Variants in ARHGAP15 observed in about 807,000 individuals in gnomAD.
ARHGAP15 encodes Rho GTPase activating protein 15, also known as rho GTPase-activating protein 15.
ARHGAP15 carries 51 observed loss-of-function variants against 63.7 expected under a neutral mutation model. That is an observed-to-expected ratio of 0.80 (90% CI 0.64 to 1.01). ARHGAP15 has a LOEUF of 1.01. Ranked by LOEUF, ARHGAP15 falls within the 50% of genes least tolerant of loss-of-function variation. The pLI is 0.00. For missense variants in ARHGAP15, 560 were observed against 564.6 expected, an observed-to-expected ratio of 0.99 and a Z score of 0.08; for synonymous variants, 191 against 193.8, an observed-to-expected ratio of 0.99 and a Z score of 0.12.
At chr2:143,199,775 C>A (rs980895940) in intron 2 of ARHGAP15, among the ~76,000 whole-genome samples, 1 of 152,006 alleles carries the variant, frequency 6.6e-6, no homozygotes, top group Non-Finnish European at 1.5e-5. Context: ...ACCATATAGC[C>A]GTTTACACCA....
At chr2:143,500,582 A>G (rs186939893) in intron 9 of ARHGAP15, among the ~76,000 whole-genome samples, 21 of 152,316 alleles carry the variant, frequency 1.4e-4, no homozygotes, top group African/African-American at 5.1e-4. Context: ...AAAACAAAAT[A>G]AGCCACAAAT....
At chr2:143,544,136 A>G (rs1192723339) in intron 10 of ARHGAP15, among the ~76,000 whole-genome samples, 1 of 152,172 alleles carries the variant, frequency 6.6e-6, no homozygotes, top group East Asian at 1.9e-4. Flanking sequence ...TCTATTCCAG[A>G]TACCTTATAT....
intron 6 of ARHGAP15, among the ~76,000 whole-genome samples, chr2:143,349,251 G>T (rs865785700): frequency 6.6e-6 from 1 of 152,118 alleles, no homozygotes; most frequent in Admixed American, 6.5e-5. Flanking sequence ...TGAGTGAGAG[G>T]ATAAAAGGGA....
chr2:143,170,919 A>G (rs1690751216), intron 2 of ARHGAP15, among the ~76,000 whole-genome samples: 1 of 152,162 alleles, frequency 6.6e-6, no homozygotes, highest in Admixed American at 6.6e-5. Flanking sequence ...CTCTAACCTC[A>G]ACAGAACCTT....
intron 6 of ARHGAP15, among the ~76,000 whole-genome samples, chr2:143,406,878 T>C (rs987375239): frequency 6.6e-6 from 1 of 151,848 alleles, no homozygotes; most frequent in Non-Finnish European, 1.5e-5. Flanking sequence ...TATTAGTTTC[T>C]GAGAGTCCTC....
intron 6 of ARHGAP15, among the ~76,000 whole-genome samples, chr2:143,340,357 A>T (rs1414243791): frequency 6.6e-6 from 1 of 152,096 alleles, no homozygotes; most frequent in Non-Finnish European, 1.5e-5. Context: ...TAGTGTTGAG[A>T]AATTTTGACG....
rs537867347 is a variant in ARHGAP15, at chr2:143,516,961, T to G, written c.827-2305T>G. Among the ~76,000 whole-genome samples, 20 of 148,276 alleles carry G rather than the reference T, an allele frequency of 1.3e-4. No individual in the cohort carries two copies. The East Asian group carries it at 3.7e-3, about 28-fold the overall frequency. On this transcript the variant is annotated intron_variant, in intron 9 of 13. Coordinates refer to ENST00000295095, the MANE Select transcript of ARHGAP15 (RefSeq NM_018460.4). The stretch of plus-strand genomic sequence containing the variant: ...TTTTTGTTTGTTGTTGTTGTTGGTG[T>G]TGTTTTGAGATGGAGTCTCACTCTG...
intron 2 of ARHGAP15, among the ~76,000 whole-genome samples, chr2:143,197,962 C>T (rs1484178178): frequency 7.4e-6 from 1 of 135,840 alleles, no homozygotes; most frequent in Non-Finnish European, 1.7e-5. Context: ...AATGTAGTGA[C>T]TGCCTACACA....
At chr2:143,700,976 A>T (rs2105416863) in intron 12 of ARHGAP15, among the ~76,000 whole-genome samples, 1 of 152,212 alleles carries the variant, frequency 6.6e-6, no homozygotes, top group Admixed American at 6.5e-5. Context: ...ATAGGCTATG[A>T]TGTTGCAACT....
intron 6 of ARHGAP15, among the ~76,000 whole-genome samples, chr2:143,298,103 T>C (rs1682726423): frequency 6.6e-6 from 1 of 151,980 alleles, no homozygotes; most frequent in Admixed American, 6.6e-5. Flanking sequence ...CCCTGGCATC[T>C]ATTTATCTAT....
intron 12 of ARHGAP15, among the ~76,000 whole-genome samples, chr2:143,678,313 C>G (rs562657344): frequency 3.3e-5 from 5 of 152,336 alleles, no homozygotes; most frequent in African/African-American, 7.2e-5. Context: ...CCAAGCTTAA[C>G]TCCTATTTGG....
intron 10 of ARHGAP15, among the ~76,000 whole-genome samples, chr2:143,552,124 G>A (rs1011639116): frequency 2.0e-5 from 3 of 152,186 alleles, no homozygotes; most frequent in African/African-American, 7.2e-5. Context: ...TGGCCTCCTA[G>A]GAATTAGGAA....
chr2:143,478,239 G>C (rs1691914327), intron 8 of ARHGAP15, among the ~76,000 whole-genome samples: 1 of 152,064 alleles, frequency 6.6e-6, no homozygotes, highest in Non-Finnish European at 1.5e-5. Flanking sequence ...GTTCTTATTG[G>C]CAATCCAGAG....
chr2:143,430,867 A>G (rs1263230007), intron 6 of ARHGAP15, among the ~76,000 whole-genome samples: 3 of 151,934 alleles, frequency 2.0e-5, no homozygotes, highest in Non-Finnish European at 4.4e-5. Context: ...CTCTTTGGAT[A>G]TTTGGCATAT....
At chr2:143,255,689 G>A (rs1031476680) in intron 6 of ARHGAP15, among the ~76,000 whole-genome samples, 4 of 152,058 alleles carry the variant, frequency 2.6e-5, no homozygotes, top group African/African-American at 9.7e-5. Flanking sequence ...TGTTACAAGT[G>A]GTGGTTTAAA....
Position 143,142,879 on chromosome 2 carries a change from G to A in ARHGAP15, c.-14-12598G>A, listed in dbSNP as rs1182712881. 3.9e-5 allele frequency among the ~76,000 whole-genome samples: 6 copies of A among 151,988 alleles called. No individual in the cohort carries two copies. In the South Asian group the frequency reaches 1.0e-3, roughly 26 times the overall value. ...GACGTAGTTATAACAAAGGATATAA[G>A]TAAATAAAACAAGACAGAGAAGAAA... On this transcript the variant is annotated intron_variant, in intron 1 of 13. Transcript: ENST00000295095.
chr2:143,479,759 G>GAA (rs142327011), intron 8 of ARHGAP15, among the ~76,000 whole-genome samples: 8 of 147,690 alleles, frequency 5.4e-5, no homozygotes, highest in Non-Finnish European at 1.2e-4. Flanking sequence ...TTGTTTTAAG[G>GAA]AAAAAAAAAA....
At chr2:143,271,001 C>T (rs555053892) in intron 6 of ARHGAP15, among the ~76,000 whole-genome samples, 19 of 152,292 alleles carry the variant, frequency 1.2e-4, no homozygotes, top group Admixed American at 1.2e-3. Context: ...CAAATTCACA[C>T]TTTCTGTCCA....
At chr2:143,328,881 G>A (rs563103980) in intron 6 of ARHGAP15, among the ~76,000 whole-genome samples, 2 of 152,154 alleles carry the variant, frequency 1.3e-5, no homozygotes, top group Admixed American at 1.3e-4. Context: ...TGAGGTAAAG[G>A]ATACTGTGTT....
Sources: gnomAD v4.1 joint callset for allele counts (sites outside exome capture counted in the v4.1 genomes callset) on GRCh38, gnomAD v4.1.1 for gene constraint, MANE v1.5 for transcripts, NCBI Gene and HGNC (gene_info 2026-07-23, HGNC 2026-07-21) for gene names.